Variants in MYRFL observed in about 807,000 individuals in gnomAD.
MYRFL encodes the protein myelin regulatory factor like.
MYRFL carries 88 observed loss-of-function variants against 109.4 expected under a neutral mutation model. The observed-to-expected ratio is 0.80, with a 90% CI of 0.68 to 0.96. MYRFL has a LOEUF of 0.96. Among genes scored for constraint, MYRFL ranks in the 40% least tolerant of loss-of-function variants. MYRFL has a pLI of 0.00. For missense variants in MYRFL, 957 were observed against 954.9 expected, an observed-to-expected ratio of 1.00 and a Z score of -0.03; for synonymous variants, 324 against 320.9, an observed-to-expected ratio of 1.01 and a Z score of -0.10.
chr12:69,946,853 C>T (rs1220634958), intron 19 of MYRFL: 2 of 152,268 alleles, frequency 1.3e-5, no homozygotes, highest in Non-Finnish European at 2.9e-5. Context: ...GATTCCTTCC[C>T]ATTTGCTATC....
chr12:69,825,689 C>G, intron 1 of MYRFL, 126 bp downstream of exon 1: 3 of 620,554 alleles, frequency 4.8e-6, no homozygotes, highest in Non-Finnish European at 8.6e-6. Flanking sequence ...GGTAACTCTC[C>G]TAATATCAAA....
At chr12:69,865,721 A>G (rs1331410778) in intron 2 of MYRFL, among the ~76,000 whole-genome samples, 1 of 152,104 alleles carries the variant, frequency 6.6e-6, no homozygotes, top group Non-Finnish European at 1.5e-5. Context: ...AGTCTCCGTG[A>G]TAATAATGGT....
At chr12:69,869,612 G>A (rs1206213574) in intron 2 of MYRFL, among the ~76,000 whole-genome samples, 1 of 152,102 alleles carries the variant, frequency 6.6e-6, no homozygotes, top group Non-Finnish European at 1.5e-5. Flanking sequence ...CTCTGTATTG[G>A]GCACTGTGCT....
chr12:69,880,951 G>GGTTTTTTTTTTTTTTTT (rs1555246956), intron 5 of MYRFL, among the ~76,000 whole-genome samples: 14 of 112,628 alleles, frequency 1.2e-4, no homozygotes, highest in Non-Finnish European at 2.2e-4. Flanking sequence ...CAGCCTTCCT[G>GGTTTTTTTTTTTTTTTT]TTTTTTTTTT....
Position 69,958,937 on chromosome 12 carries a change from C to G in MYRFL, c.*406C>G, listed in dbSNP as rs7979610. On this transcript the variant is annotated 3_prime_UTR_variant, in exon 25 of 25. Transcript: ENST00000552032. ...GACTTCGGCCCACTAAACATAGACT[C>G]TTGAGAATGTGTGATATGGTATGTG... The G allele has an allele frequency of 0.29, 53,671 of 183,934 alleles. 8,737 individuals are homozygous for G. The highest frequency in any genetic ancestry group is 0.39 in the African/African-American group (16,165 of 41,570). 11.4% of individuals were successfully genotyped at this position (183,934 alleles called of 1,614,324 possible). A position where few individuals can be genotyped will look rare whatever the true frequency, so the allele number is the denominator to read the frequency against.
At chr12:69,957,013 T>C (rs1956112459) in intron 22 of MYRFL, among the ~76,000 whole-genome samples, 1 of 151,608 alleles carries the variant, frequency 6.6e-6, no homozygotes. Context: ...ACAAACCATT[T>C]TTCGTAAAAT....
At chr12:69,854,126 C>T (rs1218782780) in intron 1 of MYRFL, among the ~76,000 whole-genome samples, 1 of 152,218 alleles carries the variant, frequency 6.6e-6, no homozygotes, top group African/African-American at 2.4e-5. Context: ...GGGCAGATCA[C>T]TCGCGGTCAG....
rs569650398 is a variant in MYRFL at position 69,861,565 on chromosome 12, C to T, written c.137+6195C>T. Among the ~76,000 whole-genome samples the T allele has an allele frequency of 5.9e-5, 9 of 152,226 alleles. No individual in the cohort carries two copies. The South Asian group carries it at 1.2e-3, about 21-fold the overall frequency. The stretch of plus-strand genomic sequence containing the variant: ...TGTCTTCTTCTGAGAAGTGTCTGTT[C>T]GTGTCCTTTGCCCACTTTTTGATGG... On this transcript the variant is annotated intron_variant, in intron 2 of 24. Coordinates refer to ENST00000552032, the MANE Select transcript of MYRFL (RefSeq NM_182530.3).
At chr12:69,908,954 C>T (rs917837746) in intron 11 of MYRFL, among the ~76,000 whole-genome samples, 1 of 152,062 alleles carries the variant, frequency 6.6e-6, no homozygotes, top group Non-Finnish European at 1.5e-5. Flanking sequence ...ATGTTGCTCC[C>T]TTCTATGTGT....
At chr12:69,863,286 C>T (rs978563574) in intron 2 of MYRFL, among the ~76,000 whole-genome samples, 1 of 152,152 alleles carries the variant, frequency 6.6e-6, no homozygotes, top group African/African-American at 2.4e-5. Flanking sequence ...GGGAGGGTTC[C>T]CTCTTTTTCT....
chr12:69,949,762 C>A (rs750674586), intron 19 of MYRFL, among the ~76,000 whole-genome samples: 10 of 152,006 alleles, frequency 6.6e-5, no homozygotes, highest in South Asian at 2.1e-4. Context: ...AGACTGGACA[C>A]CCCTGCCTTA....
Position 69,936,434 on chromosome 12 carries a change from C to A in MYRFL, c.2045-19C>A, listed in dbSNP as rs184724711. ...GTTAACCTTCTTGCTTCCCCTCCCC[C>A]CTGCCCAATGCCTTGCAGCACCTAA... On this transcript the variant is annotated intron_variant, in intron 18 of 24. Coordinates refer to ENST00000552032, the MANE Select transcript of MYRFL (RefSeq NM_182530.3). The A allele has an allele frequency of 1.1e-4, 164 of 1,532,468 alleles. 1 individual carries two copies. Among genetic ancestry groups the A allele is most frequent in the East Asian group, 5.4e-4 (22 of 40,844 alleles). 94.9% of individuals were successfully genotyped at this position (1,532,468 alleles called of 1,614,324 possible).
At chr12:69,923,146 A>AATGT (rs1954963408) in intron 13 of MYRFL, among the ~76,000 whole-genome samples, 1 of 152,194 alleles carries the variant, frequency 6.6e-6, no homozygotes, top group Admixed American at 6.5e-5. Context: ...TTAGCCCTTT[A>AATGT]ATGTTCTATC....
At chr12:69,944,694 A>AG (rs1390223544) in intron 19 of MYRFL, among the ~76,000 whole-genome samples, 1 of 152,046 alleles carries the variant, frequency 6.6e-6, no homozygotes, top group African/African-American at 2.4e-5. Flanking sequence ...TAATAAAAGA[A>AG]AAAAAAAGAA....
chr12:69,907,339 G>A (rs1346904469), intron 11 of MYRFL, among the ~76,000 whole-genome samples: 2 of 152,164 alleles, frequency 1.3e-5, no homozygotes, highest in African/African-American at 4.8e-5. Flanking sequence ...GTATGTCTTG[G>A]GGAATCAAGG....
At position 69,893,728 on chromosome 12, in the gene MYRFL, T is replaced by C. The variant is rs893666707; in HGVS notation, c.904-36T>C. 42 of 1,215,062 alleles carry C rather than the reference T, an allele frequency of 3.5e-5. No individual in the cohort carries two copies. The African/African-American group carries it at 6.4e-4, about 19-fold the overall frequency. 75.3% of individuals were successfully genotyped at this position (1,215,062 alleles called of 1,614,324 possible). A position where few individuals can be genotyped will look rare whatever the true frequency, so the allele number is the denominator to read the frequency against. ...CTTTGCTGATTAACATTTTAATTAATTAATTAATTAGTTTACTTTTTGTTG... is the reference window on the plus strand; with the variant it reads ...CTTTGCTGATTAACATTTTAATTAACTAATTAATTAGTTTACTTTTTGTTG... On this transcript the variant is annotated intron_variant, in intron 7 of 24. Transcript: ENST00000552032.
rs527782114 is a variant in MYRFL at position 69,888,168 on chromosome 12, G to A, written c.707+1198G>A. On this transcript the variant is annotated intron_variant, in intron 6 of 24. Coordinates refer to ENST00000552032, the MANE Select transcript of MYRFL (RefSeq NM_182530.3). ...GGCTCCAATAATCTAGAAAAATATGGAGAACACAGAGTATATGGAAACAAA... is the reference window on the plus strand; with the variant it reads ...GGCTCCAATAATCTAGAAAAATATGAAGAACACAGAGTATATGGAAACAAA... Among the ~76,000 whole-genome samples, 3 of 152,252 alleles carry A rather than the reference G, an allele frequency of 2.0e-5. No homozygotes were observed. In the South Asian group the frequency reaches 6.2e-4, roughly 32 times the overall value.
chr12:69,887,586 C>T (rs1269049476), intron 6 of MYRFL, among the ~76,000 whole-genome samples: 1 of 152,140 alleles, frequency 6.6e-6, no homozygotes, highest in African/African-American at 2.4e-5. Context: ...ATCCTTTAGA[C>T]TTCTTTATTT....
intron 2 of MYRFL, among the ~76,000 whole-genome samples, chr12:69,864,804 T>C (rs1490783865): frequency 6.6e-6 from 1 of 152,150 alleles, no homozygotes; most frequent in Non-Finnish European, 1.5e-5. Flanking sequence ...CTCACATTCC[T>C]CTCACTACAT....
Sources: allele counts gnomAD v4.1 joint callset (sites outside exome capture counted in the v4.1 genomes callset), GRCh38; gene constraint gnomAD v4.1.1; transcripts MANE v1.5; gene names NCBI Gene and HGNC (gene_info 2026-07-23, HGNC 2026-07-21).